The following GMDS variants were observed in gnomAD, a reference collection of about 807,000 sequenced individuals.
GMDS encodes GDP-mannose 4,6-dehydratase, also known as GDP-mannose 4,6 dehydratase.
GMDS carries 20 observed loss-of-function variants against 49.9 expected under a neutral mutation model. The observed-to-expected ratio is 0.40, with a 90% CI of 0.28 to 0.58. The LOEUF (loss-of-function observed/expected upper bound fraction) is 0.58. Ranked by LOEUF, GMDS falls within the 20% of genes least tolerant of loss-of-function variation. The probability of loss-of-function intolerance (pLI) is 0.42; values close to 1 mark genes in which losing one functional copy is unlikely to be tolerated. For synonymous variants in GMDS, 177 were observed against 178.6 expected (o/e 0.99, Z 0.07); for missense variants, 362 against 481.4 (o/e 0.75, Z 2.32).
intron 1 of GMDS, among the ~76,000 whole-genome samples, chr6:2,226,089 G>A (rs1343502149): frequency 6.6e-6 from 1 of 152,152 alleles, no homozygotes; most frequent in African/African-American, 2.4e-5. Context: ...ACAAAGAGGA[G>A]GGAGAAAGGA....
At chr6:1,893,809 T>C (rs1760013051) in intron 7 of GMDS, among the ~76,000 whole-genome samples, 3 of 152,178 alleles carry the variant, frequency 2.0e-5, no homozygotes, top group Admixed American at 2.0e-4. Context: ...AGAAATTAAA[T>C]TAGCTCAACC....
intron 1 of GMDS, among the ~76,000 whole-genome samples, chr6:2,238,750 T>C (rs904336616): frequency 2.0e-5 from 3 of 152,162 alleles, no homozygotes; most frequent in Non-Finnish European, 4.4e-5. Context: ...TTAAAACTCC[T>C]TCCTCTATCC....
chr6:1,919,201 A>G (rs1410935278), intron 7 of GMDS, among the ~76,000 whole-genome samples: 1 of 152,216 alleles, frequency 6.6e-6, no homozygotes, highest in East Asian at 1.9e-4. Context: ...AGCTTCCCCA[A>G]GAGAGACCGA....
At position 1,982,162 on chromosome 6, in the gene GMDS, C is replaced by T. The variant is rs141363211; in HGVS notation, c.346-21196G>A. Among the ~76,000 whole-genome samples, 943 of 152,148 alleles carry T rather than the reference C, an allele frequency of 6.2e-3. 10 individuals carry two copies. The highest frequency in any genetic ancestry group is 0.021 in the African/African-American group (882 of 41,524). On this transcript the variant is annotated intron_variant, in intron 4 of 10. Transcript: ENST00000380815. Reference sequence around the variant, plus strand: ...CTCTACTAAAAATACAAAAATTAGCCAGGCGTGGTGGTAGGTGTCTGTAAT... The same window carrying T: ...CTCTACTAAAAATACAAAAATTAGCTAGGCGTGGTGGTAGGTGTCTGTAAT...
intron 1 of GMDS, among the ~76,000 whole-genome samples, chr6:2,174,724 T>A (rs1778188791): frequency 6.6e-6 from 1 of 151,996 alleles, no homozygotes; most frequent in Non-Finnish European, 1.5e-5. Flanking sequence ...CGTGCCACCA[T>A]GCCAGGCTAA....
intron 1 of GMDS, among the ~76,000 whole-genome samples, chr6:2,204,836 C>T (rs566268302): frequency 7.9e-5 from 12 of 152,292 alleles, no homozygotes; most frequent in East Asian, 5.8e-4. Flanking sequence ...TTTAGCTCCA[C>T]AACTTGACCA....
intron 4 of GMDS, among the ~76,000 whole-genome samples, chr6:1,994,358 T>C (rs928268349): frequency 6.6e-6 from 1 of 152,192 alleles, no homozygotes; most frequent in Admixed American, 6.5e-5. Context: ...ACATCACTCC[T>C]GAAACTAATT....
Position 1,766,944 on chromosome 6 carries a change from G to C in GMDS, c.772-24358C>G, listed in dbSNP as rs3800047. 0.67 allele frequency among the ~76,000 whole-genome samples: 102,126 copies of C among 152,088 alleles called. 34,681 individuals are homozygous for C. Among genetic ancestry groups the C allele is most frequent in the African/African-American group, 0.76 (31,460 of 41,496 alleles). ...GGGTTCTTTATTTCCTGCTGAATCT[G>C]ACTTAAGTGTAAAATCGAGCAGGGA... is the stretch of plus-strand genomic sequence containing the variant. On this transcript the variant is annotated intron_variant, in intron 7 of 10. Coordinates refer to ENST00000380815, the MANE Select transcript of GMDS (RefSeq NM_001500.4). The surrounding 1 kb of genome is among the most constrained non-coding windows in gnomAD (Gnocchi z 4.5).
chr6:2,245,404 G>T lies in GMDS; in HGVS notation c.19C>A (p.Arg7Ser). ...CCGGAGCCCCGGGCGCTGGGGCAGC[G>T]TGCCGGTGCGTGTGCCATGTCCCGC... MAHAPA[R>S]CPSARGSGDG... Residue 7 changes from arginine to serine, a missense_variant, in exon 1 of 11, where the codon CGC becomes AGC. Coordinates refer to ENST00000380815, the MANE Select transcript of GMDS (RefSeq NM_001500.4). 2 of 1,528,706 alleles carry T rather than the reference G, an allele frequency of 1.3e-6. No homozygotes were observed. The highest frequency in any genetic ancestry group is 1.2e-5 in the South Asian group (1 of 83,544). 94.7% of individuals were successfully genotyped at this position (1,528,706 alleles called of 1,614,324 possible).
chr6:1,699,862 C>T (rs4601185), intron 9 of GMDS, among the ~76,000 whole-genome samples: 59,377 of 152,026 alleles, frequency 0.39, 13,042 homozygotes, highest in Middle Eastern at 0.58. Flanking sequence ...GATGGCAGCA[C>T]GCCGTCTGCT....
chr6:1,737,863 A>C (rs564482812), intron 8 of GMDS, among the ~76,000 whole-genome samples: 3 of 150,796 alleles, frequency 2.0e-5, no homozygotes, highest in African/African-American at 7.3e-5. Flanking sequence ...AGATATGCAC[A>C]CATACACACA....
intron 8 of GMDS, among the ~76,000 whole-genome samples, chr6:1,741,308 C>A (rs930252599): frequency 3.9e-5 from 6 of 152,086 alleles, no homozygotes; most frequent in African/African-American, 1.4e-4. Context: ...TTACTTTGTA[C>A]CCATTTACCA....
chr6:2,049,642 G>A (rs1770257699), intron 4 of GMDS, among the ~76,000 whole-genome samples: 1 of 152,150 alleles, frequency 6.6e-6, no homozygotes, highest in African/African-American at 2.4e-5. Flanking sequence ...GGAATCACTA[G>A]GGTCCTTTTA....
intron 9 of GMDS, among the ~76,000 whole-genome samples, chr6:1,627,743 C>T (rs559316963): frequency 5.9e-5 from 9 of 152,210 alleles, no homozygotes; most frequent in Non-Finnish European, 1.3e-4. Context: ...CCCAAAAGGA[C>T]TTCCACCAGT....
intron 7 of GMDS, among the ~76,000 whole-genome samples, chr6:1,758,531 A>G (rs1371465870): frequency 1.3e-5 from 2 of 152,228 alleles, no homozygotes; most frequent in African/African-American, 2.4e-5. Context: ...GTTAGCGTGC[A>G]TTAGAATCAT....
chr6:1,868,802 A>G lies in GMDS; in HGVS notation c.771+61301T>C, dbSNP rs560123992. ...AATTCAGAGGCTCAATATCCAGATCAAGTAGTTCTATAACTTAGAATCTTA... is the reference window on the plus strand; with the variant it reads ...AATTCAGAGGCTCAATATCCAGATCGAGTAGTTCTATAACTTAGAATCTTA... On this transcript the variant is annotated intron_variant, in intron 7 of 10. Transcript: ENST00000380815. 1.6e-4 allele frequency among the ~76,000 whole-genome samples: 25 copies of G among 152,326 alleles called. No homozygotes were observed. The East Asian group carries it at 4.8e-3, about 29-fold the overall frequency.
At chr6:1,947,996 G>A (rs1763166274) in intron 6 of GMDS, among the ~76,000 whole-genome samples, 2 of 152,122 alleles carry the variant, frequency 1.3e-5, no homozygotes. Context: ...TACTTCTCTA[G>A]GTGGGACATT....
intron 7 of GMDS, among the ~76,000 whole-genome samples, chr6:1,843,476 G>A (rs926304240): frequency 6.6e-6 from 1 of 152,092 alleles, no homozygotes. Context: ...TCTCTTAAAT[G>A]TAAGGAGCAG....
At chr6:1,858,697 C>T (rs1315329212) in intron 7 of GMDS, among the ~76,000 whole-genome samples, 1 of 151,944 alleles carries the variant, frequency 6.6e-6, no homozygotes, top group African/African-American at 2.4e-5. Flanking sequence ...GCTTTTTTAA[C>T]TCCCAAGATC....
Sources: gnomAD v4.1 joint callset for allele counts (sites outside exome capture counted in the v4.1 genomes callset) on GRCh38, gnomAD v4.1.1 for gene constraint, Gnocchi (gnomAD v3.1) non-coding constraint, MANE v1.5 for transcripts, NCBI Gene and HGNC (gene_info 2026-07-23, HGNC 2026-07-21) for gene names.